The following RGS6 variants were observed in gnomAD, a reference collection of about 807,000 sequenced individuals.
RGS6 encodes regulator of G-protein signaling 6.
Under a neutral mutation model 78.5 loss-of-function variants are expected in RGS6, and 30 were observed. The ratio of observed to expected loss-of-function variants is 0.38; its 90% CI spans 0.29 to 0.52. The LOEUF (loss-of-function observed/expected upper bound fraction) is 0.52. Ranked by LOEUF, RGS6 falls within the 20% of genes least tolerant of loss-of-function variation. RGS6 has a pLI of 0.85. For synonymous variants in RGS6, 206 were observed against 206.0 expected (o/e 1.00, Z 0.00); for missense variants, 495 against 609.7 (o/e 0.81, Z 1.98).
At chr14:72,087,284 C>T (rs78660056) in intron 2 of RGS6, among the ~76,000 whole-genome samples, 2 of 152,150 alleles carry the variant, frequency 1.3e-5, no homozygotes, top group South Asian at 2.1e-4. Context: ...GTGCATGCTA[C>T]CATGCCCGGC....
chr14:72,208,738 G>A (rs1325328697), intron 2 of RGS6, among the ~76,000 whole-genome samples: 3 of 152,116 alleles, frequency 2.0e-5, no homozygotes, highest in Non-Finnish European at 4.4e-5. Flanking sequence ...TCTGCTAATC[G>A]TATCAGCAAG....
intron 2 of RGS6, among the ~76,000 whole-genome samples, chr14:72,087,941 A>G (rs2095115167): frequency 6.6e-6 from 1 of 152,126 alleles, no homozygotes; most frequent in Non-Finnish European, 1.5e-5. Context: ...TTGGATTCAT[A>G]GCTATGATCC....
the RGS6 span, among the ~76,000 whole-genome samples, chr14:71,873,378 T>G: frequency 6.6e-6 from 1 of 152,226 alleles, no homozygotes; most frequent in Non-Finnish European, 1.5e-5. Context: ...TGATTTGCAT[T>G]TCTCTGATGA....
At chr14:71,967,071 A>G (rs1220383824) in intron 2 of RGS6, among the ~76,000 whole-genome samples, 2 of 152,004 alleles carry the variant, frequency 1.3e-5, no homozygotes, top group Non-Finnish European at 2.9e-5. Flanking sequence ...GGTGGTAGTA[A>G]GGGGCCCTTT....
At chr14:72,509,653 A>G (rs2096854647) in intron 13 of RGS6, among the ~76,000 whole-genome samples, 1 of 152,238 alleles carries the variant, frequency 6.6e-6, no homozygotes, top group Non-Finnish European at 1.5e-5. Context: ...TAACAAGAGA[A>G]TATGCTTTAC....
the RGS6 span, among the ~76,000 whole-genome samples, chr14:72,583,079 G>A: frequency 6.6e-6 from 1 of 152,126 alleles, no homozygotes; most frequent in Non-Finnish European, 1.5e-5. Context: ...CTCCTCCTTT[G>A]GACATCAGAA....
At chr14:72,142,932 T>C (rs1449575272) in intron 2 of RGS6, among the ~76,000 whole-genome samples, 16 of 152,178 alleles carry the variant, frequency 1.1e-4, no homozygotes, top group Admixed American at 1.0e-3. Context: ...GTATTATTCT[T>C]AGGAATCCTT....
At chr14:72,064,831 G>A (rs2094062544) in intron 2 of RGS6, among the ~76,000 whole-genome samples, 1 of 152,158 alleles carries the variant, frequency 6.6e-6, no homozygotes, top group African/African-American at 2.4e-5. Flanking sequence ...TACTTATCTT[G>A]AGAAGCATCA....
chr14:72,572,533 A>G, the RGS6 span, among the ~76,000 whole-genome samples: 1 of 152,268 alleles, frequency 6.6e-6, no homozygotes. Flanking sequence ...GCTAAGTGAA[A>G]GAAGCCAGTC....
chr14:72,215,017 C>T (rs1057195654), intron 2 of RGS6, among the ~76,000 whole-genome samples: 8 of 152,166 alleles, frequency 5.3e-5, no homozygotes, highest in Non-Finnish European at 1.0e-4. Flanking sequence ...TGGTCTATGA[C>T]TGTCATCAGG....
intron 15 of RGS6, among the ~76,000 whole-genome samples, chr14:72,532,624 T>C (rs2097197093): frequency 6.6e-6 from 1 of 152,222 alleles, no homozygotes; most frequent in Non-Finnish European, 1.5e-5. Context: ...GAAAAGTTTA[T>C]TGAAGATTGA....
intron 12 of RGS6, among the ~76,000 whole-genome samples, chr14:72,490,606 C>T (rs2096565659): frequency 6.6e-6 from 1 of 152,236 alleles, no homozygotes; most frequent in East Asian, 1.9e-4. Flanking sequence ...CCTGAGTGCT[C>T]AACAAGCCTG....
chr14:72,352,762 CA>C (rs1235765045), intron 3 of RGS6, among the ~76,000 whole-genome samples: 1 of 152,050 alleles, frequency 6.6e-6, no homozygotes. Flanking sequence ...TTATAAAGAA[CA>C]TTATTATCAA....
At chr14:72,136,303 A>G (rs550507740) in intron 2 of RGS6, among the ~76,000 whole-genome samples, 1 of 152,318 alleles carries the variant, frequency 6.6e-6, no homozygotes, top group East Asian at 1.9e-4. Context: ...TATCTTTAGC[A>G]TAGAGCGAAT....
At chr14:72,396,764 T>A (rs59969246) in intron 3 of RGS6, among the ~76,000 whole-genome samples, 5,260 of 152,176 alleles carry the variant, frequency 0.035, 312 homozygotes, top group African/African-American at 0.12. Context: ...TCTACATATG[T>A]CTAGCCAGTT....
intron 2 of RGS6, among the ~76,000 whole-genome samples, chr14:72,191,120 T>G (rs2097318685): frequency 6.6e-6 from 1 of 152,218 alleles, no homozygotes. Flanking sequence ...AATAATGTGA[T>G]CCTCTTGCTT....
At chr14:72,606,527 T>G in the RGS6 span, among the ~76,000 whole-genome samples, 2 of 152,292 alleles carry the variant, frequency 1.3e-5, no homozygotes, top group East Asian at 3.9e-4. Flanking sequence ...ACTGGTCCCT[T>G]CTTCCTAGGT....
At chr14:72,086,140 C>T (rs1027487937) in intron 2 of RGS6, among the ~76,000 whole-genome samples, 3 of 152,184 alleles carry the variant, frequency 2.0e-5, no homozygotes, top group Non-Finnish European at 4.4e-5. Context: ...AGAAAAGACT[C>T]CAGTTAAGCT....
At chr14:72,612,492 G>A in the RGS6 span, 1 of 518,660 alleles carries the variant, frequency 1.9e-6, no homozygotes, top group African/African-American at 1.9e-5. Context: ...TGTGCACGGG[G>A]TATATTTTCT....
Sources: allele counts gnomAD v4.1 joint callset (sites outside exome capture counted in the v4.1 genomes callset), GRCh38; gene constraint gnomAD v4.1.1; transcripts MANE v1.5; gene names NCBI Gene and HGNC (gene_info 2026-07-23, HGNC 2026-07-21).